The following ASTN1 variants were observed in gnomAD, a reference collection of about 807,000 sequenced individuals.
The protein encoded by ASTN1 is astrotactin-1.
In ASTN1, 41 loss-of-function variants were observed where a neutral mutation model predicts 140.7. That is an observed-to-expected ratio of 0.29 (90% CI 0.23 to 0.38). The LOEUF is 0.38. Among genes scored for constraint, ASTN1 ranks in the 10% least tolerant of loss-of-function variants. The pLI is 1.00. For synonymous variants in ASTN1, 640 were observed against 652.2 expected (o/e 0.98, Z 0.29); for missense variants, 1,479 against 1,678.8 (o/e 0.88, Z 2.08).
chr1:176,981,363 C>G (rs1047383955), intron 8 of ASTN1: 1 of 151,930 alleles, frequency 6.6e-6, no homozygotes, highest in East Asian at 1.9e-4. Flanking sequence ...TGAATTTTGT[C>G]CCCCCAAAAA....
intron 16 of ASTN1, among the ~76,000 whole-genome samples, chr1:176,923,645 A>G (rs1670833009): frequency 6.6e-6 from 1 of 152,132 alleles, no homozygotes; most frequent in South Asian, 2.1e-4. Flanking sequence ...TTAATCTCCT[A>G]CCGATTTATA....
downstream of ASTN1, among the ~76,000 whole-genome samples, chr1:176,860,833 G>T (rs1667936951): frequency 6.6e-6 from 1 of 152,158 alleles, no homozygotes; most frequent in South Asian, 2.1e-4. Context: ...CATTTCACCG[G>T]CTACTTATTT....
chr1:176,863,824 T>A lies in ASTN1; in HGVS notation c.*460A>T. Reference sequence around the variant, plus strand: ...AAGGCTCCCAGAGTGAGACGCTTCCTGAGGAATGCTTGAGGGTGGGGCCTG... The same window carrying A: ...AAGGCTCCCAGAGTGAGACGCTTCCAGAGGAATGCTTGAGGGTGGGGCCTG... On this transcript the variant is annotated 3_prime_UTR_variant, in exon 23 of 23. Transcript: ENST00000361833. 1.0e-6 allele frequency: 1 copy of A among 994,932 alleles called. No homozygotes were observed. The highest frequency in any genetic ancestry group is 1.2e-6 in the Non-Finnish European group (1 of 834,942). The allele number at this position is 994,932 out of a possible 1,614,324, so 61.6% of individuals were successfully genotyped here.
chr1:176,882,767 T>A, intron 20 of ASTN1, 92 bp downstream of exon 20: 1 of 1,525,446 alleles, frequency 6.6e-7, no homozygotes. Context: ...TTTTGCTGAG[T>A]CTCTAAAGGA....
At chr1:176,980,153 T>C (rs1193063636) in intron 8 of ASTN1, among the ~76,000 whole-genome samples, 3 of 151,296 alleles carry the variant, frequency 2.0e-5, no homozygotes, top group Non-Finnish European at 4.4e-5. Flanking sequence ...AATTGAGGAG[T>C]TGAAACAACA....
rs1669425732 is a variant in ASTN1, at chr1:176,894,696, T to G, written c.2806A>C (p.Lys936Gln). ...GGGCAGGACGAGGGGCATCGTCCCT[T>G]GCTGTGGCACTCCATGCGGACTCCA... ...AAGVRMECHS[K>Q]GRCPSSCPLC... The change falls in exon 17 of 23, where the codon AAG becomes CAG. Residue 936 changes from lysine to glutamine, a missense_variant. By Grantham distance (53) the Lys-to-Gln change is moderately conservative (BLOSUM62 1). Around this residue, in one of 3 missense-constraint regions of ASTN1, gnomAD observed 746 missense variants for 800.9 expected, o/e 0.93. Transcript: ENST00000361833. 6.2e-7 allele frequency: 1 copy of G among 1,614,028 alleles called. No individual in the cohort carries two copies. Among genetic ancestry groups the G allele is most frequent in the South Asian group, 1.1e-5 (1 of 91,090 alleles).
chr1:176,926,284 T>G (rs1475056114), intron 16 of ASTN1, among the ~76,000 whole-genome samples: 3 of 49,128 alleles, frequency 6.1e-5, no homozygotes, highest in Non-Finnish European at 1.1e-4. Flanking sequence ...GCAAAGTGCC[T>G]GCTCAAAAAA....
intron 1 of ASTN1, among the ~76,000 whole-genome samples, chr1:177,163,785 A>G (rs188897573): frequency 2.6e-5 from 4 of 152,314 alleles, no homozygotes; most frequent in African/African-American, 9.6e-5. Context: ...ACATCTAAGC[A>G]TGGAGGTAGG....
chr1:177,157,633 T>C (rs891040428), intron 1 of ASTN1, among the ~76,000 whole-genome samples: 4 of 152,020 alleles, frequency 2.6e-5, no homozygotes, highest in African/African-American at 9.7e-5. Flanking sequence ...TCTTTAAAAA[T>C]TAATTTGTAT....
rs570269891 is a variant in ASTN1, at chr1:176,927,554, G to T, written c.2671+6598C>A. Reference sequence around the variant, plus strand: ...TTAAAATCAGTTTCCTTTTTTCTTGGTTATTTCTCTGGGATATACAGATCT... The same window carrying T: ...TTAAAATCAGTTTCCTTTTTTCTTGTTTATTTCTCTGGGATATACAGATCT... On this transcript the variant is annotated intron_variant, in intron 16 of 22. Coordinates refer to ENST00000361833, the MANE Select transcript of ASTN1 (RefSeq NM_004319.3). Among the ~76,000 whole-genome samples the T allele has an allele frequency of 9.6e-4, 146 of 152,238 alleles. 1 individual carries two copies. The highest frequency in any genetic ancestry group is 3.2e-3 in the African/African-American group (134 of 41,550).
Position 176,971,262 on chromosome 1 carries a change from A to C in ASTN1, c.1524-6025T>G, listed in dbSNP as rs1276820803. 2.0e-5 allele frequency among the ~76,000 whole-genome samples: 3 copies of C among 152,312 alleles called. No homozygotes were observed. The East Asian group carries it at 5.8e-4, about 29-fold the overall frequency. On this transcript the variant is annotated intron_variant, in intron 8 of 22. Transcript: ENST00000361833. ...TTTCTGCTATGCAATTGGCTGAACCATCACATGCCTCAATTTATCCTAATG... is the reference window on the plus strand; with the variant it reads ...TTTCTGCTATGCAATTGGCTGAACCCTCACATGCCTCAATTTATCCTAATG...
At chr1:177,090,556 A>C (rs1311732838) in intron 1 of ASTN1, among the ~76,000 whole-genome samples, 1 of 152,174 alleles carries the variant, frequency 6.6e-6, no homozygotes, top group Non-Finnish European at 1.5e-5. Context: ...AAACTAGAAA[A>C]GATTGCAAAG....
chr1:176,862,688 C>T lies in ASTN1; in HGVS notation c.*1596G>A, dbSNP rs895867233. 4 of 907,630 alleles carry T rather than the reference C, an allele frequency of 4.4e-6. No homozygotes were observed. Among genetic ancestry groups the T allele is most frequent in the Non-Finnish European group, 5.3e-6 (4 of 759,338 alleles). 56.2% of individuals were successfully genotyped at this position (907,630 alleles called of 1,614,324 possible). ...GGCAAGTTGTATAACCTCTCTTTGC[C>T]TCGTTTTCCTCAACACTAAAATGGA... On this transcript the variant is annotated 3_prime_UTR_variant, in exon 23 of 23. Transcript: ENST00000361833.
intron 8 of ASTN1, among the ~76,000 whole-genome samples, chr1:176,996,310 C>CAT (rs760390036): frequency 7.9e-6 from 1 of 126,492 alleles, no homozygotes; most frequent in African/African-American, 2.7e-5. Flanking sequence ...CACACACACA[C>CAT]AGAGAGAGAG....
At chr1:177,158,471 C>T (rs1430251491) in intron 1 of ASTN1, among the ~76,000 whole-genome samples, 1 of 152,076 alleles carries the variant, frequency 6.6e-6, no homozygotes, top group Non-Finnish European at 1.5e-5. Flanking sequence ...TTAACTTGCT[C>T]ATAACAGAGC....
rs115035550 is a variant in ASTN1, at chr1:176,942,065, G to T, written c.2377+1826C>A. On this transcript the variant is annotated intron_variant, in intron 14 of 22. Coordinates refer to ENST00000361833, the MANE Select transcript of ASTN1 (RefSeq NM_004319.3). The stretch of plus-strand genomic sequence containing the variant: ...TTGCTGGTCCAGAATATATTTAATT[G>T]TTTTTTCTCTTGCTCTTTCTTTTCT... Among the ~76,000 whole-genome samples, 638 of 152,180 alleles carry T rather than the reference G, an allele frequency of 4.2e-3. 3 individuals carry two copies. Among genetic ancestry groups the T allele is most frequent in the African/African-American group, 0.014 (591 of 41,518 alleles).
At chr1:177,112,429 T>C (rs954505824) in intron 1 of ASTN1, among the ~76,000 whole-genome samples, 2 of 152,080 alleles carry the variant, frequency 1.3e-5, no homozygotes, top group African/African-American at 4.8e-5. Flanking sequence ...CGAGGAGGAG[T>C]TCCTAAAGGA....
intron 22 of ASTN1, among the ~76,000 whole-genome samples, chr1:176,865,435 C>A (rs907588024): frequency 6.6e-6 from 1 of 152,130 alleles, no homozygotes; most frequent in Non-Finnish European, 1.5e-5. Context: ...AAGTGTAGAG[C>A]CAGTTCTTAG....
chr1:176,931,363 G>A (rs902805842), intron 16 of ASTN1, among the ~76,000 whole-genome samples: 5 of 152,158 alleles, frequency 3.3e-5, no homozygotes, highest in African/African-American at 1.2e-4. Flanking sequence ...CTACTCTGGA[G>A]GCTGAGGCAG....
Sources: allele counts gnomAD v4.1 joint callset (sites outside exome capture counted in the v4.1 genomes callset), GRCh38; gene constraint gnomAD v4.1.1; regional missense constraint gnomAD v4.1.1; transcripts MANE v1.5; gene names NCBI Gene and HGNC (gene_info 2026-07-23, HGNC 2026-07-21).